The following RAD51 variants were observed in gnomAD, a reference collection of about 807,000 sequenced individuals.
The protein encoded by RAD51 is RAD51 recombinase.
Under a neutral mutation model 41.5 loss-of-function variants are expected in RAD51, and 14 were observed. That is an observed-to-expected ratio of 0.34 (90% CI 0.22 to 0.53). RAD51 has a LOEUF of 0.53. RAD51 is among the 20% of genes least tolerant of loss of function. The probability of loss-of-function intolerance (pLI) is 0.95; values close to 1 mark genes in which losing one functional copy is unlikely to be tolerated. For missense variants in RAD51, 234 were observed against 422.0 expected (o/e 0.55, Z 3.90); for synonymous variants, 136 against 148.6 (o/e 0.92, Z 0.62).
At chr15:40,699,157 G>A (rs1447665127) in intron 2 of RAD51, among the ~76,000 whole-genome samples, 1 of 152,148 alleles carries the variant, frequency 6.6e-6, no homozygotes, top group African/African-American at 2.4e-5. Context: ...TTGTTTGTTT[G>A]TTTTTGATGG....
intron 8 of RAD51, 97 bp downstream of exon 8, chr15:40,729,731 C>G (rs1896775451): frequency 5.6e-6 from 9 of 1,607,702 alleles, no homozygotes; most frequent in Admixed American, 1.7e-5. Context: ...CTGAGATCAT[C>G]AAGCTCTTAG....
At chr15:40,709,464 C>G (rs1595992124) in intron 5 of RAD51, among the ~76,000 whole-genome samples, 1 of 148,118 alleles carries the variant, frequency 6.8e-6, no homozygotes, top group Non-Finnish European at 1.5e-5. Flanking sequence ...GCAACCTCCT[C>G]TCTGGTTCAA....
intron 2 of RAD51, 131 bp from the exon 3 acceptor site, chr15:40,700,933 C>A: frequency 1.2e-6 from 1 of 823,156 alleles, no homozygotes; most frequent in East Asian, 4.1e-5. Flanking sequence ...CCCCCCGCCC[C>A]CCCAAGGATT....
chr15:40,731,021 TA>T lies in RAD51; in HGVS notation c.897-31del, dbSNP rs1896854677. Reference sequence around the variant, plus strand: ...CAGGAACGGAATTGTTTAATTATAATAAATTGGTGCTTTGGTCTGTGTCTTT... The same window carrying T: ...CAGGAACGGAATTGTTTAATTATAATAATTGGTGCTTTGGTCTGTGTCTTT... On this transcript the variant is annotated intron_variant, in intron 9 of 9. Transcript: ENST00000267868. 4 of 1,613,722 alleles carry T rather than the reference TA, an allele frequency of 2.5e-6. No homozygotes were observed. The East Asian group carries it at 8.9e-5, about 36-fold the overall frequency.
Position 40,698,762 on chromosome 15 carries a change from G to A in RAD51, c.4G>A (p.Ala2Thr), listed in dbSNP as rs2141813741. The change falls in exon 2 of 10, where the codon GCA (alanine) becomes ACA (threonine). Residue 2 changes from alanine to threonine, a missense_variant. Physicochemically the swap from Ala to Thr is moderately conservative, Grantham distance 58. Transcript: ENST00000267868. M[A>T]MQMQLEANAD... ...TAAGCATTTGTATTTTTCAGTAATG[G>A]CAATGCAGATGCAGCTTGAAGCAAA... is the stretch of plus-strand genomic sequence containing the variant. 1 of 1,613,660 alleles carries A rather than the reference G, an allele frequency of 6.2e-7. No homozygotes were observed. Among genetic ancestry groups the A allele is most frequent in the Non-Finnish European group, 8.5e-7 (1 of 1,179,608 alleles).
chr15:40,721,811 G>T (rs745812915), intron 6 of RAD51, among the ~76,000 whole-genome samples: 15 of 152,204 alleles, frequency 9.9e-5, no homozygotes, highest in Non-Finnish European at 1.6e-4. Context: ...GAATGACCAT[G>T]TGATCCAGCA....
intron 5 of RAD51, among the ~76,000 whole-genome samples, chr15:40,710,274 G>GA (rs1895628085): frequency 1.2e-5 from 1 of 81,204 alleles, no homozygotes; most frequent in African/African-American, 5.0e-5. Flanking sequence ...AAAAAAAGAA[G>GA]AAGAAAAAAA....
chr15:40,708,324 G>T (rs1409495841), intron 4 of RAD51, among the ~76,000 whole-genome samples: 1 of 150,560 alleles, frequency 6.6e-6, no homozygotes, highest in Non-Finnish European at 1.5e-5. Context: ...CGCCTCCCAG[G>T]TTCAAGTGAT....
At chr15:40,698,641 G>T in intron 1 of RAD51, 116 bp from the exon 2 acceptor site, 1 of 943,310 alleles carries the variant, frequency 1.1e-6, no homozygotes, top group Non-Finnish European at 1.7e-6. Flanking sequence ...CACAATAAGA[G>T]AATGGCCTTG....
chr15:40,701,214 T>C lies in RAD51; in HGVS notation c.225+13T>C, dbSNP rs1567038420. 2 of 1,613,870 alleles carry C rather than the reference T, an allele frequency of 1.2e-6. No homozygotes were observed. The highest frequency in any genetic ancestry group is 8.5e-7 in the Non-Finnish European group (1 of 1,179,758). The stretch of plus-strand genomic sequence containing the variant: ...TGATAAAATTCTGGTAAGTACTGCT[T>C]ACTTAACCTAGGGAGGCATTAGTGG... On this transcript the variant is annotated intron_variant, in intron 3 of 9. Transcript: ENST00000267868.
chr15:40,698,623 C>G (rs1294178381), intron 1 of RAD51, 134 bp from the exon 2 acceptor site: 1 of 792,226 alleles, frequency 1.3e-6, no homozygotes, highest in Non-Finnish European at 2.2e-6. Context: ...AGCAGGAGAA[C>G]AGAGAGGCAC....
chr15:40,707,475 T>G (rs1895424163), intron 4 of RAD51, among the ~76,000 whole-genome samples: 1 of 151,710 alleles, frequency 6.6e-6, no homozygotes, highest in South Asian at 2.1e-4. Flanking sequence ...CCCAGCTAAT[T>G]TTTGTATTTT....
intron 9 of RAD51, 42 bp from the exon 10 acceptor site, chr15:40,731,013 A>G (rs1896854108): frequency 6.2e-7 from 1 of 1,613,294 alleles, no homozygotes; most frequent in Non-Finnish European, 8.5e-7. Flanking sequence ...GGAATTGTTT[A>G]ATTATAATAA....
Position 40,731,322 on chromosome 15 carries a change from C to T in RAD51, c.*144C>T. The stretch of plus-strand genomic sequence containing the variant: ...GAAAACAGCTATTATATCAGCTTTT[C>T]TGATGGTATAAACAGGAGACAGGTC... On this transcript the variant is annotated 3_prime_UTR_variant, in exon 10 of 10. Coordinates refer to ENST00000267868, the MANE Select transcript of RAD51 (RefSeq NM_002875.5). The T allele has an allele frequency of 9.1e-7, 1 of 1,095,744 alleles. No homozygotes were observed. The highest frequency in any genetic ancestry group is 1.3e-6 in the Non-Finnish European group (1 of 742,060). 67.9% of individuals were successfully genotyped at this position (1,095,744 alleles called of 1,614,324 possible).
chr15:40,708,231 CT>C (rs1222352292), intron 4 of RAD51, among the ~76,000 whole-genome samples: 60 of 116,218 alleles, frequency 5.2e-4, no homozygotes, highest in Admixed American at 7.0e-4. Flanking sequence ...TTGTGCCCAG[CT>C]TTTTTTTTTT....
chr15:40,698,378 G>C (rs1408697809), intron 1 of RAD51, among the ~76,000 whole-genome samples: 1 of 151,766 alleles, frequency 6.6e-6, no homozygotes, highest in Non-Finnish European at 1.5e-5. Flanking sequence ...TAGTAGGGAC[G>C]GGGTTTCGCA....
At chr15:40,709,725 C>G (rs1048245617) in intron 5 of RAD51, among the ~76,000 whole-genome samples, 3 of 152,164 alleles carry the variant, frequency 2.0e-5, no homozygotes, top group Non-Finnish European at 4.4e-5. Context: ...AAGTAATTCT[C>G]TTGCAGATAG....
intron 9 of RAD51, among the ~76,000 whole-genome samples, chr15:40,730,260 A>G (rs568852750): frequency 1.3e-5 from 2 of 152,158 alleles, no homozygotes; most frequent in African/African-American, 2.4e-5. Flanking sequence ...TGGTAATCCC[A>G]ACACTTTGGG....
At chr15:40,714,713 T>C (rs1272143276) in intron 5 of RAD51, among the ~76,000 whole-genome samples, 1 of 152,240 alleles carries the variant, frequency 6.6e-6, no homozygotes, top group Non-Finnish European at 1.5e-5. Flanking sequence ...GATGTTAGAC[T>C]ATTACTTAAA....
Sources: allele counts gnomAD v4.1 joint callset (sites outside exome capture counted in the v4.1 genomes callset), GRCh38; gene constraint gnomAD v4.1.1; transcripts MANE v1.5; gene names NCBI Gene and HGNC (gene_info 2026-07-23, HGNC 2026-07-21).